Variants in PITPNC1 observed in about 807,000 individuals in gnomAD.
PITPNC1 encodes phosphatidylinositol transfer protein cytoplasmic 1.
A neutral mutation model predicts 44.7 loss-of-function variants in PITPNC1; 18 were observed. That is an observed-to-expected ratio of 0.40 (90% CI 0.28 to 0.60). PITPNC1 has a LOEUF of 0.60. Ranked by LOEUF, PITPNC1 falls within the 20% of genes least tolerant of loss-of-function variation. The pLI is 0.39. For synonymous variants in PITPNC1, 141 were observed against 149.6 expected (o/e 0.94, Z 0.42); for missense variants, 290 against 418.4 (o/e 0.69, Z 2.68).
chr17:67,425,188 C>CGG (rs1256148505), intron 1 of PITPNC1, among the ~76,000 whole-genome samples: 1 of 46,686 alleles, frequency 2.1e-5, no homozygotes, highest in African/African-American at 2.0e-4. Flanking sequence ...CCATGTTGTG[C>CGG]GCGCGCACGC....
Position 67,508,788 on chromosome 17 carries a change from G to A in PITPNC1, c.49-24014G>A, listed in dbSNP as rs1028510940. On this transcript the variant is annotated intron_variant, in intron 1 of 8. Coordinates refer to ENST00000581322, the MANE Select transcript of PITPNC1 (RefSeq NM_012417.4). This position sits in a 1 kb window ranked among gnomAD's most constrained non-coding sequence, Gnocchi z 4.2. The stretch of plus-strand genomic sequence containing the variant: ...CCAGAGGGGAGGGAAACGGGGAGCT[G>A]TTGTTTAAAGAGTGTAGAGTTTCAG... Among the ~76,000 whole-genome samples the A allele has an allele frequency of 2.8e-4, 42 of 152,162 alleles. No homozygotes were observed. The highest frequency in any genetic ancestry group is 8.0e-4 in the African/African-American group (33 of 41,436).
intron 1 of PITPNC1, among the ~76,000 whole-genome samples, chr17:67,434,170 G>T (rs906240861): frequency 6.6e-6 from 1 of 152,184 alleles, no homozygotes; most frequent in Admixed American, 6.5e-5. Context: ...GGCTGCAGAC[G>T]GGGAATGAGG....
chr17:67,484,442 C>A (rs572435610), intron 1 of PITPNC1, among the ~76,000 whole-genome samples: 1 of 152,208 alleles, frequency 6.6e-6, no homozygotes, highest in African/African-American at 2.4e-5. Context: ...TCAAATCATT[C>A]ATCTCTAGCT....
intron 1 of PITPNC1, among the ~76,000 whole-genome samples, chr17:67,418,146 C>T (rs773549847): frequency 6.6e-6 from 1 of 152,182 alleles, no homozygotes; most frequent in Non-Finnish European, 1.5e-5. Context: ...CTTTAAGGCT[C>T]CCAGGCACAT....
intron 1 of PITPNC1, chr17:67,379,354 A>G (rs973933334): frequency 5.6e-5 from 55 of 985,412 alleles, no homozygotes; most frequent in Non-Finnish European, 5.5e-5. Flanking sequence ...CTGAGCTCAC[A>G]GGGGCTGTCC....
At chr17:67,503,928 C>T (rs771878493) in intron 1 of PITPNC1, among the ~76,000 whole-genome samples, 48 of 152,148 alleles carry the variant, frequency 3.2e-4, no homozygotes, top group Non-Finnish European at 2.9e-5. Context: ...CTGTCTTCCT[C>T]TTTTTTTGTT....
rs1000220869 is a variant in PITPNC1 at position 67,524,748 on chromosome 17, C to CTTTTTTT, written c.49-8028_49-8022dup. ...TGTTTCAAACATATATGAAGGTTTT[C>CTTTTTTT]TTTTTTTTTTTTTTTTTTTTTTTTT... On this transcript the variant is annotated intron_variant, in intron 1 of 8. Coordinates refer to ENST00000581322, the MANE Select transcript of PITPNC1 (RefSeq NM_012417.4). 1.4e-3 allele frequency: 9 copies of CTTTTTTT among 6,654 alleles called. 3 individuals are homozygous for CTTTTTTT. The highest frequency in any genetic ancestry group is 2.3e-3 in the Admixed American group (1 of 434). 0.4% of individuals were successfully genotyped at this position (6,654 alleles called of 1,614,324 possible). A position where few individuals can be genotyped will look rare whatever the true frequency, so the allele number is the denominator to read the frequency against.
intron 1 of PITPNC1, among the ~76,000 whole-genome samples, chr17:67,497,193 A>G (rs1311925949): frequency 6.6e-6 from 1 of 151,972 alleles, no homozygotes. Context: ...TTACATAAGT[A>G]GTCACACAAG....
rs147718931 is a variant in PITPNC1, at chr17:67,586,220, G to A, written c.366+7963G>A. Among the ~76,000 whole-genome samples the A allele has an allele frequency of 4.8e-3, 737 of 152,164 alleles. 5 individuals carry two copies. The highest frequency in any genetic ancestry group is 0.017 in the African/African-American group (698 of 41,514). The stretch of plus-strand genomic sequence containing the variant: ...TCAGTGCAGTGGGAACTTATTCAAG[G>A]ATTTTAAACAAAGGAATAACAAGAT... On this transcript the variant is annotated intron_variant, in intron 5 of 8. Coordinates refer to ENST00000581322, the MANE Select transcript of PITPNC1 (RefSeq NM_012417.4).
chr17:67,552,841 G>A (rs1845844005), intron 3 of PITPNC1, among the ~76,000 whole-genome samples: 1 of 145,152 alleles, frequency 6.9e-6, no homozygotes, highest in Non-Finnish European at 1.5e-5. Flanking sequence ...GGAGAAGGAA[G>A]GTGAAGATCT....
chr17:67,692,902 T>A lies in PITPNC1; in HGVS notation c.*14T>A. ...AAATCTGAGTAACTTTATATAAATATCTCATGGGGTTTTATATTTTCATTT... is the reference window on the plus strand; with the variant it reads ...AAATCTGAGTAACTTTATATAAATAACTCATGGGGTTTTATATTTTCATTT... On this transcript the variant is annotated 3_prime_UTR_variant, in exon 9 of 9. Transcript: ENST00000581322. The A allele has an allele frequency of 7.0e-7, 1 of 1,420,850 alleles. No homozygotes were observed. The highest frequency in any genetic ancestry group is 9.8e-7 in the Non-Finnish European group (1 of 1,024,988). 88.0% of individuals were successfully genotyped at this position (1,420,850 alleles called of 1,614,324 possible).
Position 67,445,594 on chromosome 17 carries a change from A to G in PITPNC1, c.48+67392A>G, listed in dbSNP as rs190652275. ...AAAAGGAATTGTGACAGGTGCATTT[A>G]AAGAAACTGTTACCTGCACCAACTA... On this transcript the variant is annotated intron_variant, in intron 1 of 8. Transcript: ENST00000581322. Among the ~76,000 whole-genome samples the G allele has an allele frequency of 3.8e-3, 578 of 152,178 alleles. 6 individuals carry two copies. The highest frequency in any genetic ancestry group is 5.7e-3 in the Non-Finnish European group (387 of 67,980).
At chr17:67,482,766 A>C (rs2039721428) in intron 1 of PITPNC1, among the ~76,000 whole-genome samples, 1 of 152,206 alleles carries the variant, frequency 6.6e-6, no homozygotes, top group Non-Finnish European at 1.5e-5. Flanking sequence ...AGATTTGAAA[A>C]TTGCTGTTTT....
At position 67,525,015 on chromosome 17, in the gene PITPNC1, C is replaced by T. The variant is rs1598778122; in HGVS notation, c.49-7787C>T. 2 of 2,914 alleles carry T rather than the reference C, an allele frequency of 6.9e-4. 1 individual carries two copies. Among genetic ancestry groups the T allele is most frequent in the Non-Finnish European group, 1.2e-3 (2 of 1,630 alleles). The allele number at this position is 2,914 out of a possible 1,614,324, so 0.2% of individuals were successfully genotyped here. A position where few individuals can be genotyped will look rare whatever the true frequency, so the allele number is the denominator to read the frequency against. ...CGATCTCCTGACCTCATGATCCACC[C>T]GCCTCGGCCTCCCAAAGTGCTGGGA... On this transcript the variant is annotated intron_variant, in intron 1 of 8. Transcript: ENST00000581322.
intron 1 of PITPNC1, among the ~76,000 whole-genome samples, chr17:67,407,309 G>C (rs2038415174): frequency 6.6e-6 from 1 of 152,066 alleles, no homozygotes; most frequent in Non-Finnish European, 1.5e-5. Flanking sequence ...TATCTTCTTT[G>C]AATAAATTTC....
chr17:67,682,662 GA>G (rs1371950668), intron 8 of PITPNC1, among the ~76,000 whole-genome samples: 5 of 152,146 alleles, frequency 3.3e-5, no homozygotes, highest in African/African-American at 1.2e-4. Context: ...AAGATATTAG[GA>G]TGCACTTTCT....
intron 5 of PITPNC1, among the ~76,000 whole-genome samples, chr17:67,628,877 C>T (rs73340207): frequency 0.016 from 2,393 of 152,288 alleles, 66 homozygotes; most frequent in African/African-American, 0.054. Flanking sequence ...CTCTGCAGCC[C>T]AACAACATCC....
intron 2 of PITPNC1, among the ~76,000 whole-genome samples, chr17:67,550,137 C>T (rs1041134497): frequency 6.6e-6 from 1 of 152,078 alleles, no homozygotes; most frequent in Admixed American, 6.6e-5. Flanking sequence ...GCAGCGTGAA[C>T]GTAAGGGAAA....
chr17:67,471,234 A>G (rs2144002943), intron 1 of PITPNC1, among the ~76,000 whole-genome samples: 1 of 149,534 alleles, frequency 6.7e-6, no homozygotes, highest in African/African-American at 2.5e-5. Context: ...GTAAAAAAAA[A>G]AAATGTAAAA....
Sources: allele counts gnomAD v4.1 joint callset (sites outside exome capture counted in the v4.1 genomes callset), GRCh38; gene constraint gnomAD v4.1.1; non-coding constraint Gnocchi (gnomAD v3.1); transcripts MANE v1.5; gene names NCBI Gene and HGNC (gene_info 2026-07-23, HGNC 2026-07-21).